The following FSD1 variants were observed in gnomAD, a reference collection of about 807,000 sequenced individuals.
The protein encoded by FSD1 is fibronectin type III and SPRY domain containing 1.
In FSD1, 23 loss-of-function variants were observed where a neutral mutation model predicts 58.2. That is an observed-to-expected ratio of 0.40 (90% CI 0.28 to 0.56). The LOEUF (loss-of-function observed/expected upper bound fraction) is 0.56, where lower values mean the gene tolerates loss of function less well. Ranked by LOEUF, FSD1 falls within the 20% of genes least tolerant of loss-of-function variation. The pLI is 0.54. For synonymous variants in FSD1, 265 were observed against 263.4 expected, an observed-to-expected ratio of 1.01 and a Z score of -0.06; for missense variants, 563 against 670.8, an observed-to-expected ratio of 0.84 and a Z score of 1.78.
chr19:4,322,868 C>G, intron 10 of FSD1, 118 bp from the exon 11 acceptor site: 2 of 1,260,684 alleles, frequency 1.6e-6, no homozygotes, highest in Non-Finnish European at 1.1e-6. Context: ...TGGGGAGTGT[C>G]TCTGCAGGGA....
Position 4,310,512 on chromosome 19 carries a change from G to A in FSD1, c.406G>A (p.Ala136Thr), listed in dbSNP as rs754522407. 1.2e-6 allele frequency: 2 copies of A among 1,613,606 alleles called. No individual in the cohort carries two copies. The highest frequency in any genetic ancestry group is 1.7e-6 in the Non-Finnish European group (2 of 1,179,744). Residue 136 changes from alanine to threonine, a missense_variant, in exon 6 of 13, where the codon GCG becomes ACG. By Grantham distance (58) the Ala-to-Thr change is moderately conservative. Coordinates refer to ENST00000221856, the MANE Select transcript of FSD1 (RefSeq NM_024333.3). ...MAPAFRLSLK[A>T]KVSDNMSHLM... is the part of the protein sequence containing the mutation. ...CCCTGCCTTCCGGCTATCATTGAAA[G>A]CGAAGGTCAGTGACAACATGAGTCA...
chr19:4,323,194 C>T lies in FSD1; in HGVS notation c.1248C>T (p.Ala416=), dbSNP rs372241443. The T allele has an allele frequency of 6.9e-6, 11 of 1,604,868 alleles. No homozygotes were observed. In the African/African-American group the frequency reaches 1.1e-4, roughly 16 times the overall value. Residue 416 remains alanine (A), a synonymous_variant, in exon 11 of 13, where the codon GCC becomes GCT. Transcript: ENST00000221856. The surrounding 1 kb of genome is among the most constrained non-coding windows in gnomAD (Gnocchi z 7.7). ...CCAACAAGGTCAAGGTGCTGGACGC[C>T]CCCGTGCCCGACTGCCTGGGTGTGC... ...KHANKVKVLD[A]PVPDCLGVHC... is the part of the protein sequence containing the mutation.
At chr19:4,317,133 A>G in intron 7 of FSD1, 49 bp from the exon 8 acceptor site, 2 of 1,018,928 alleles carry the variant, frequency 2.0e-6, no homozygotes, top group East Asian at 2.4e-5. Context: ...CATGACTCAG[A>G]GTCTCAGGGA....
intron 3 of FSD1, among the ~76,000 whole-genome samples, chr19:4,306,984 G>C (rs1200705338): frequency 6.6e-6 from 1 of 152,138 alleles, no homozygotes; most frequent in Non-Finnish European, 1.5e-5. Flanking sequence ...GCAACTTCCT[G>C]ACATCCCAGA....
Position 4,310,628 on chromosome 19 carries a change from T to C in FSD1, c.490+32T>C, listed in dbSNP as rs772234758. 1.2e-5 allele frequency: 19 copies of C among 1,598,238 alleles called. No individual in the cohort carries two copies. The South Asian group carries it at 1.8e-4, about 15-fold the overall frequency. ...GGGGCACGCACTAGAGGGCCAGGAC[T>C]TCCGGGGAATGACCTGGGAGGCTAG... On this transcript the variant is annotated intron_variant, in intron 6 of 12. Transcript: ENST00000221856.
At chr19:4,315,945 T>G (rs1374981190) in intron 7 of FSD1, among the ~76,000 whole-genome samples, 1 of 151,690 alleles carries the variant, frequency 6.6e-6, no homozygotes, top group Non-Finnish European at 1.5e-5. Flanking sequence ...TTGTATTTTT[T>G]AGTAGAGACA....
At chr19:4,312,202 A>C in intron 7 of FSD1, 151 bp downstream of exon 7, 1 of 700,386 alleles carries the variant, frequency 1.4e-6, no homozygotes, top group Non-Finnish European at 2.4e-6. Flanking sequence ...GAAATATGAG[A>C]CAGTGGCCAG....
rs1384746079 is a variant in FSD1 at position 4,319,046 on chromosome 19, A to G, written c.1039+95A>G. The G allele has an allele frequency of 6.4e-6, 6 of 941,498 alleles. No individual in the cohort carries two copies. In the African/African-American group the frequency reaches 9.7e-5, roughly 15 times the overall value. 58.3% of individuals were successfully genotyped at this position (941,498 alleles called of 1,614,324 possible). A position where few individuals can be genotyped will look rare whatever the true frequency, so the allele number is the denominator to read the frequency against. ...AACCTTTGCCTTTGGCTGCGGAAAC[A>G]GGCAGCCATCAGCAAAGCTGCTCCC... is the stretch of plus-strand genomic sequence containing the variant. On this transcript the variant is annotated intron_variant, in intron 10 of 12. Transcript: ENST00000221856.
chr19:4,309,943 T>C (rs1412260397), intron 4 of FSD1, among the ~76,000 whole-genome samples: 1 of 147,936 alleles, frequency 6.8e-6, no homozygotes, highest in Non-Finnish European at 1.5e-5. Flanking sequence ...AAACAAATCT[T>C]TGGGCCAGGC....
chr19:4,306,240 C>A lies in FSD1; in HGVS notation c.154C>A (p.Gln52Lys). ...KVQEDLEAEF[Q>K]SLFSLLEELK... ...GCAGGAGGACCTCGAAGCAGAGTTC[C>A]AGTCCCTCTTCTCCCTCCTGGAGGA... The change falls in exon 3 of 13, where the codon CAG becomes AAG. Residue 52 changes from glutamine (Q) to lysine (K), a missense_variant. Gln to Lys is a moderately conservative substitution (Grantham distance 53). Transcript: ENST00000221856. 6.2e-7 allele frequency: 1 copy of A among 1,614,004 alleles called. No individual in the cohort carries two copies. The highest frequency in any genetic ancestry group is 1.3e-5 in the African/African-American group (1 of 75,024).
intron 7 of FSD1, among the ~76,000 whole-genome samples, chr19:4,312,670 C>T (rs567113845): frequency 3.6e-4 from 54 of 150,612 alleles, no homozygotes; most frequent in African/African-American, 6.8e-4. Flanking sequence ...CCGGGCGTGG[C>T]GGTGTGCACC....
At position 4,317,205 on chromosome 19, in the gene FSD1, A is replaced by C. The variant is rs759990460; in HGVS notation, c.724A>C (p.Met242Leu). ...AGGTCTCAAGTTTGACATGAAATAC[A>C]TGAACTTCCGTGTGAAGGCCTGTAA... The part of the protein sequence containing the change: ...LTGLKFDMKY[M>L]NFRVKACNKA... Residue 242 changes from methionine (M) to leucine (L), a missense_variant, in exon 8 of 13, where the codon ATG becomes CTG. Physicochemically the swap from Met to Leu is conservative, Grantham distance 15 (BLOSUM62 2). Coordinates refer to ENST00000221856, the MANE Select transcript of FSD1 (RefSeq NM_024333.3). 3.1e-6 allele frequency: 5 copies of C among 1,611,566 alleles called. No homozygotes were observed. The highest frequency in any genetic ancestry group is 4.2e-6 in the Non-Finnish European group (5 of 1,177,884).
chr19:4,319,551 G>A (rs2144768835), intron 10 of FSD1, among the ~76,000 whole-genome samples: 1 of 152,148 alleles, frequency 6.6e-6, no homozygotes, highest in Non-Finnish European at 1.5e-5. Context: ...AAGTCATTGT[G>A]GTCAGGAATA....
At position 4,310,309 on chromosome 19, in the gene FSD1, G is replaced by T; in HGVS notation, c.368+14G>T. ...AATCAAAGATGGGTAAGACACTGGG[G>T]TCTGGCCCCCACCCCACTACCCTGC... is the stretch of plus-strand genomic sequence containing the variant. On this transcript the variant is annotated intron_variant, in intron 5 of 12. Coordinates refer to ENST00000221856, the MANE Select transcript of FSD1 (RefSeq NM_024333.3). 6 of 1,614,084 alleles carry T rather than the reference G, an allele frequency of 3.7e-6. No individual in the cohort carries two copies. The highest frequency in any genetic ancestry group is 5.1e-6 in the Non-Finnish European group (6 of 1,179,902).
chr19:4,314,586 A>G (rs1035471545), intron 7 of FSD1, among the ~76,000 whole-genome samples: 1 of 151,308 alleles, frequency 6.6e-6, no homozygotes, highest in African/African-American at 2.4e-5. Context: ...TCCTGGGTTC[A>G]AGCAATTCTC....
At position 4,323,158 on chromosome 19, in the gene FSD1, G is replaced by C. The variant is rs776188536; in HGVS notation, c.1212G>C (p.Thr404=). The C allele has an allele frequency of 6.2e-7, 1 of 1,604,680 alleles. No homozygotes were observed. The highest frequency in any genetic ancestry group is 8.5e-7 in the Non-Finnish European group (1 of 1,179,778). ...HVNNWLQVSF[T]AKHANKVKVL... Reference sequence around the variant, plus strand: ...ACAATTGGCTGCAGGTCAGCTTCACGGCCAAGCACGCCAACAAGGTCAAGG... The same window carrying C: ...ACAATTGGCTGCAGGTCAGCTTCACCGCCAAGCACGCCAACAAGGTCAAGG... Residue 404 remains threonine (T), a synonymous_variant, in exon 11 of 13, where the codon ACG becomes ACC. Coordinates refer to ENST00000221856, the MANE Select transcript of FSD1 (RefSeq NM_024333.3). The surrounding 1 kb of genome is among the most constrained non-coding windows in gnomAD (Gnocchi z 7.7).
rs756894291 is a variant in FSD1, at chr19:4,318,344, A to G, written c.800-2A>G. 1.2e-6 allele frequency: 2 copies of G among 1,613,308 alleles called. No homozygotes were observed. Reference sequence around the variant, plus strand: ...GTGACTCCCACGTCTGCCCGGCCCCAGCGTTCATGTTCCGCCTGGATGCGT... The same window carrying G: ...GTGACTCCCACGTCTGCCCGGCCCCGGCGTTCATGTTCCGCCTGGATGCGT... On this transcript the variant is annotated splice_acceptor_variant, in intron 8 of 12. Transcript: ENST00000221856. LOFTEE classifies it high-confidence loss of function.
chr19:4,306,366 T>A, intron 3 of FSD1, 37 bp downstream of exon 3: 1 of 1,606,428 alleles, frequency 6.2e-7, no homozygotes, highest in Non-Finnish European at 8.5e-7. Flanking sequence ...CCCCCGCCCC[T>A]CCTACTCAAC....
In FSD1 at chr19:4,304,773, T is replaced by A; in HGVS notation, c.15+12T>A. 1.6e-5 allele frequency: 1 copy of A among 60,678 alleles called. No individual in the cohort carries two copies. Among genetic ancestry groups the A allele is most frequent in the Non-Finnish European group, 2.7e-5 (1 of 37,592 alleles). 3.8% of individuals were successfully genotyped at this position (60,678 alleles called of 1,614,324 possible). Reference sequence around the variant, plus strand: ...TGGAAGAACAGAGGGTAGGACGGGGTGGGGCAGGGCGGGCCCGCAGGGGCG... The same window carrying A: ...TGGAAGAACAGAGGGTAGGACGGGGAGGGGCAGGGCGGGCCCGCAGGGGCG... On this transcript the variant is annotated intron_variant, in intron 1 of 12. Transcript: ENST00000221856.
Sources: gnomAD v4.1 joint callset for allele counts (sites outside exome capture counted in the v4.1 genomes callset) on GRCh38, gnomAD v4.1.1 for gene constraint, Gnocchi (gnomAD v3.1) non-coding constraint, MANE v1.5 for transcripts, NCBI Gene and HGNC (gene_info 2026-07-23, HGNC 2026-07-21) for gene names.